MLLT3: variants seen among roughly 807,000 people sequenced by gnomAD.
The protein encoded by MLLT3 is protein AF-9.
Under a neutral mutation model 53.2 loss-of-function variants are expected in MLLT3, and 4 were observed. The ratio of observed to expected loss-of-function variants is 0.08; its 90% CI spans 0.04 to 0.17. The LOEUF (loss-of-function observed/expected upper bound fraction) is 0.17, where lower values mean the gene tolerates loss of function less well. MLLT3 is among the 10% of genes least tolerant of loss of function. The pLI, the probability that MLLT3 is intolerant of heterozygous loss-of-function variation, is 1.00. For missense variants in MLLT3, 569 were observed against 684.0 expected (o/e 0.83, Z 1.87); for synonymous variants, 283 against 230.6 (o/e 1.23, Z -2.06).
intron 4 of MLLT3, among the ~76,000 whole-genome samples, chr9:20,443,930 G>C (rs1448061612): frequency 2.0e-5 from 3 of 152,174 alleles, no homozygotes. Flanking sequence ...AAACCAGCTT[G>C]AATTTAAAAC....
intron 4 of MLLT3, among the ~76,000 whole-genome samples, chr9:20,446,399 C>T (rs533654259): frequency 8.1e-4 from 124 of 152,268 alleles, no homozygotes; most frequent in African/African-American, 2.9e-3. Context: ...AACTAGAGAC[C>T]TTATCAGGAT....
chr9:20,457,533 CCCA>C lies in MLLT3; in HGVS notation c.194-750_194-748del, dbSNP rs1397531638. On this transcript the variant is annotated intron_variant, in intron 2 of 10. Coordinates refer to ENST00000380338, the MANE Select transcript of MLLT3 (RefSeq NM_004529.4). ...CAAAGTGTAGGGATTACAGGCATGA[CCCA>C]CCATGCCTGGCCTAGAGATGTCCTG... 2.0e-5 allele frequency among the ~76,000 whole-genome samples: 3 copies of C among 151,920 alleles called. No individual in the cohort carries two copies. The East Asian group carries it at 5.8e-4, about 29-fold the overall frequency.
At chr9:20,496,251 A>T (rs996457710) in intron 2 of MLLT3, among the ~76,000 whole-genome samples, 1 of 152,200 alleles carries the variant, frequency 6.6e-6, no homozygotes, top group Non-Finnish European at 1.5e-5. Flanking sequence ...AGAAAGAAAC[A>T]TTTCCTGAAT....
chr9:20,415,310 A>T (rs1375385986), intron 4 of MLLT3: 2 of 217,438 alleles, frequency 9.2e-6, no homozygotes, highest in Non-Finnish European at 1.6e-5. Context: ...TGATCATGAG[A>T]AAAGACGTAA....
At chr9:20,583,723 C>A (rs1819868409) in intron 2 of MLLT3, among the ~76,000 whole-genome samples, 1 of 152,160 alleles carries the variant, frequency 6.6e-6, no homozygotes, top group East Asian at 1.9e-4. Context: ...ATGGCTGGAG[C>A]AGCTGGGACA....
chr9:20,560,849 G>C (rs911400662), intron 2 of MLLT3, among the ~76,000 whole-genome samples: 1 of 151,920 alleles, frequency 6.6e-6, no homozygotes, highest in Non-Finnish European at 1.5e-5. Context: ...CATACAGATT[G>C]TGTAACAATC....
intron 5 of MLLT3, among the ~76,000 whole-genome samples, chr9:20,392,716 T>C (rs1822218496): frequency 6.6e-6 from 1 of 152,152 alleles, no homozygotes. Flanking sequence ...AAATTTGCAA[T>C]AAACATAACA....
At chr9:20,485,568 T>C (rs1824788902) in intron 2 of MLLT3, among the ~76,000 whole-genome samples, 1 of 152,148 alleles carries the variant, frequency 6.6e-6, no homozygotes, top group African/African-American at 2.4e-5. Flanking sequence ...GTTCCAAACA[T>C]AAGAAGCCAT....
At chr9:20,519,643 T>C (rs1289934168) in intron 2 of MLLT3, among the ~76,000 whole-genome samples, 1 of 152,104 alleles carries the variant, frequency 6.6e-6, no homozygotes, top group Non-Finnish European at 1.5e-5. Context: ...AAAACCACAG[T>C]GAGAAACCAT....
At chr9:20,584,685 C>A (rs986209767) in intron 2 of MLLT3, among the ~76,000 whole-genome samples, 8 of 152,162 alleles carry the variant, frequency 5.3e-5, no homozygotes, top group Non-Finnish European at 8.8e-5. Context: ...AAGAATAGCA[C>A]AAGAAAGACC....
intron 4 of MLLT3, among the ~76,000 whole-genome samples, chr9:20,434,754 TCA>T (rs1293005955): frequency 3.3e-5 from 5 of 152,140 alleles, no homozygotes; most frequent in Non-Finnish European, 4.4e-5. Context: ...TCTATCTATA[TCA>T]CACACAAAAA....
intron 2 of MLLT3, among the ~76,000 whole-genome samples, chr9:20,594,330 T>C (rs966954278): frequency 3.3e-5 from 5 of 152,168 alleles, no homozygotes; most frequent in Admixed American, 2.0e-4. Context: ...GACATACTAA[T>C]GCTTTCTGAC....
At chr9:20,542,608 A>G (rs1467232107) in intron 2 of MLLT3, among the ~76,000 whole-genome samples, 2 of 152,154 alleles carry the variant, frequency 1.3e-5, no homozygotes, top group African/African-American at 4.8e-5. Flanking sequence ...TAAACTATTC[A>G]GTAAGCCATG....
chr9:20,513,121 T>C (rs967600342), intron 2 of MLLT3, among the ~76,000 whole-genome samples: 1 of 152,228 alleles, frequency 6.6e-6, no homozygotes, highest in Non-Finnish European at 1.5e-5. Flanking sequence ...TGTAGATATT[T>C]ACAGTGTACC....
chr9:20,370,966 T>A (rs1461500018), intron 5 of MLLT3, among the ~76,000 whole-genome samples: 1 of 152,182 alleles, frequency 6.6e-6, no homozygotes, highest in Non-Finnish European at 1.5e-5. Context: ...AAAGTGCTAC[T>A]CCAGTGAACT....
intron 7 of MLLT3, chr9:20,362,589 C>A (rs1821351324): frequency 6.6e-6 from 1 of 151,754 alleles, no homozygotes; most frequent in Non-Finnish European, 1.5e-5. Flanking sequence ...TTGAATATGA[C>A]CATAAAAAAC....
intron 2 of MLLT3, among the ~76,000 whole-genome samples, chr9:20,569,436 T>A (rs987983728): frequency 6.6e-6 from 1 of 152,000 alleles, no homozygotes; most frequent in African/African-American, 2.4e-5. Context: ...AAAACAGTTA[T>A]AGCAATAATA....
chr9:20,489,893 T>C (rs1398767670), intron 2 of MLLT3, among the ~76,000 whole-genome samples: 1 of 152,208 alleles, frequency 6.6e-6, no homozygotes, highest in Non-Finnish European at 1.5e-5. Context: ...ACTCCTGTAA[T>C]ACTTTTTCTG....
intron 5 of MLLT3, among the ~76,000 whole-genome samples, chr9:20,383,232 C>G (rs544567351): frequency 1.9e-4 from 29 of 152,000 alleles, no homozygotes; most frequent in African/African-American, 7.0e-4. Flanking sequence ...AAAACAAATG[C>G]AGCTATCAGC....
Sources: allele counts gnomAD v4.1 joint callset (sites outside exome capture counted in the v4.1 genomes callset), GRCh38; gene constraint gnomAD v4.1.1; transcripts MANE v1.5; gene names NCBI Gene and HGNC (gene_info 2026-07-23, HGNC 2026-07-21).